Variants in KLHDC10 observed in about 807,000 individuals in gnomAD.
KLHDC10 encodes kelch domain-containing protein 10.
Under a neutral mutation model 56.1 loss-of-function variants are expected in KLHDC10, and 24 were observed. The ratio of observed to expected loss-of-function variants is 0.43; its 90% CI spans 0.31 to 0.60. The LOEUF (loss-of-function observed/expected upper bound fraction) is 0.60, where lower values mean the gene tolerates loss of function less well. KLHDC10 is among the 20% of genes least tolerant of loss of function. The probability of loss-of-function intolerance (pLI) is 0.11; values close to 1 mark genes in which losing one functional copy is unlikely to be tolerated. For missense variants in KLHDC10, 349 were observed against 567.0 expected, an observed-to-expected ratio of 0.62 and a Z score of 3.91; for synonymous variants, 188 against 207.1, an observed-to-expected ratio of 0.91 and a Z score of 0.79.
intron 2 of KLHDC10, among the ~76,000 whole-genome samples, chr7:130,101,171 C>T: frequency 6.6e-6 from 1 of 152,042 alleles, no homozygotes; most frequent in Non-Finnish European, 1.5e-5. Context: ...TATCTACTTC[C>T]TAGAGTTACT....
intron 1 of KLHDC10, among the ~76,000 whole-genome samples, chr7:130,072,419 G>A (rs1417030322): frequency 6.6e-6 from 1 of 152,186 alleles, no homozygotes; most frequent in African/African-American, 2.4e-5. Flanking sequence ...ACCAAGAACA[G>A]CCATTTATCC....
In KLHDC10 at chr7:130,077,753, C is replaced by T. The variant is rs973106666; in HGVS notation, c.166+6944C>T. Among the ~76,000 whole-genome samples the T allele has an allele frequency of 4.0e-5, 6 of 151,714 alleles. No individual in the cohort carries two copies. In the East Asian group the frequency reaches 1.2e-3, roughly 30 times the overall value. Reference sequence around the variant, plus strand: ...TGTAGTTTTAGTAGAGATGGGGTTTCACCATGTTAGCCAGGATGGTCTCGA... The same window carrying T: ...TGTAGTTTTAGTAGAGATGGGGTTTTACCATGTTAGCCAGGATGGTCTCGA... On this transcript the variant is annotated intron_variant, in intron 1 of 9. Coordinates refer to ENST00000335420, the MANE Select transcript of KLHDC10 (RefSeq NM_014997.4).
At chr7:130,093,143 AAG>A (rs1268808575) in intron 1 of KLHDC10, among the ~76,000 whole-genome samples, 1 of 152,080 alleles carries the variant, frequency 6.6e-6, no homozygotes, top group Non-Finnish European at 1.5e-5. Context: ...CATAGTAAGA[AAG>A]AGAAAAAACT....
Position 130,111,892 on chromosome 7 carries a change from C to G in KLHDC10, c.254-4553C>G, listed in dbSNP as rs185438703. On this transcript the variant is annotated intron_variant, in intron 2 of 9. Coordinates refer to ENST00000335420, the MANE Select transcript of KLHDC10 (RefSeq NM_014997.4). ...CAGATTAACCTGACACCAATTTATA[C>G]CCATCAGATTGGCACAAATTTGAGA... Among the ~76,000 whole-genome samples the G allele has an allele frequency of 4.6e-3, 698 of 152,212 alleles. 2 individuals are homozygous for G. The highest frequency in any genetic ancestry group is 6.8e-3 in the Middle Eastern group (2 of 294).
At chr7:130,101,294 T>G (rs759623262) in intron 2 of KLHDC10, among the ~76,000 whole-genome samples, 1 of 152,132 alleles carries the variant, frequency 6.6e-6, no homozygotes, top group Non-Finnish European at 1.5e-5. Flanking sequence ...ATGCCAGAAG[T>G]TTTTAGAAAT....
chr7:130,111,932 A>G (rs1173411614), intron 2 of KLHDC10, among the ~76,000 whole-genome samples: 3 of 152,232 alleles, frequency 2.0e-5, no homozygotes, highest in African/African-American at 7.2e-5. Context: ...TAAAGAAAGC[A>G]TGAAGAAGTA....
Position 130,130,521 on chromosome 7 carries a change from T to C in KLHDC10, c.1120-16T>C, listed in dbSNP as rs757271717. 6.2e-7 allele frequency: 1 copy of C among 1,608,846 alleles called. No individual in the cohort carries two copies. The highest frequency in any genetic ancestry group is 1.1e-5 in the South Asian group (1 of 90,998). On this transcript the variant is annotated splice_polypyrimidine_tract_variant and intron_variant, in intron 9 of 9. Transcript: ENST00000335420. The surrounding 1 kb of genome is among the most constrained non-coding windows in gnomAD (Gnocchi z 4.2). The stretch of plus-strand genomic sequence containing the variant: ...TTCTCTCCCGTTTGAATTTGTCCTC[T>C]TTTGACTACTCATAGGCTGGTTGCA...
At chr7:130,125,296 C>T (rs1156632533) in intron 6 of KLHDC10, among the ~76,000 whole-genome samples, 4 of 152,138 alleles carry the variant, frequency 2.6e-5, no homozygotes, top group Non-Finnish European at 5.9e-5. Context: ...AATCCCAGCC[C>T]TTTGGGAGGC....
intron 1 of KLHDC10, among the ~76,000 whole-genome samples, chr7:130,088,716 C>T (rs1444485736): frequency 6.7e-6 from 1 of 150,262 alleles, no homozygotes; most frequent in African/African-American, 2.5e-5. Context: ...AATCTCGGCT[C>T]ACTGCAACCT....
chr7:130,075,491 A>G (rs1020270427), intron 1 of KLHDC10, among the ~76,000 whole-genome samples: 3 of 152,222 alleles, frequency 2.0e-5, no homozygotes, highest in Non-Finnish European at 2.9e-5. Context: ...GCAACCAATG[A>G]TACATTTCCT....
intron 1 of KLHDC10, among the ~76,000 whole-genome samples, chr7:130,093,699 G>A (rs182759813): frequency 6.0e-4 from 92 of 152,288 alleles, no homozygotes; most frequent in African/African-American, 2.1e-3. Context: ...GCGTCACACT[G>A]TTATGTTGCT....
Position 130,120,641 on chromosome 7 carries a change from T to G in KLHDC10, c.476-108T>G. 96 of 1,185,764 alleles carry G rather than the reference T, an allele frequency of 8.1e-5. No individual in the cohort carries two copies. The highest frequency in any genetic ancestry group is 1.0e-4 in the Non-Finnish European group (85 of 824,562). The allele number at this position is 1,185,764 out of a possible 1,614,324, so 73.5% of individuals were successfully genotyped here. On this transcript the variant is annotated intron_variant, in intron 3 of 9. Coordinates refer to ENST00000335420, the MANE Select transcript of KLHDC10 (RefSeq NM_014997.4). The surrounding 1 kb of genome is among the most constrained non-coding windows in gnomAD (Gnocchi z 5.1). Reference sequence around the variant, plus strand: ...GATGTCAGTGGTTTGAGCTATCTTATGAGATCATTAAAGCAGATATGTGTA... The same window carrying G: ...GATGTCAGTGGTTTGAGCTATCTTAGGAGATCATTAAAGCAGATATGTGTA...
chr7:130,095,956 G>A lies in KLHDC10; in HGVS notation c.167-965G>A, dbSNP rs368155090. On this transcript the variant is annotated intron_variant, in intron 1 of 9. Coordinates refer to ENST00000335420, the MANE Select transcript of KLHDC10 (RefSeq NM_014997.4). ...GTTACAGCAATTCCTTCACAGTAAC[G>A]TAATTATTTGTTTACACATCTGCCT... 8.5e-5 allele frequency among the ~76,000 whole-genome samples: 13 copies of A among 152,254 alleles called. No homozygotes were observed. In the East Asian group the frequency reaches 2.1e-3, roughly 25 times the overall value.
At position 130,130,054 on chromosome 7, in the gene KLHDC10, G is replaced by C. The variant is rs4731661; in HGVS notation, c.1119+478G>C. On this transcript the variant is annotated intron_variant, in intron 9 of 9. Transcript: ENST00000335420. The surrounding 1 kb of genome is among the most constrained non-coding windows in gnomAD (Gnocchi z 4.2). ...TATATAGGCCGGGCGCGGTGGCTCA[G>C]GCCTGTAATCCCAGCACTTTGGGAG... Among the ~76,000 whole-genome samples the C allele has an allele frequency of 0.81, 123,665 of 152,036 alleles. 50,423 individuals are homozygous for C. The highest frequency in any genetic ancestry group is 0.86 in the African/African-American group (35,488 of 41,436).
intron 2 of KLHDC10, among the ~76,000 whole-genome samples, chr7:130,105,205 C>T (rs561685721): frequency 1.3e-5 from 2 of 152,222 alleles, no homozygotes; most frequent in Admixed American, 6.5e-5. Context: ...CTTTACCAAA[C>T]GAAGGTGAAG....
intron 9 of KLHDC10, 140 bp downstream of exon 9, chr7:130,129,716 C>T: frequency 1.4e-6 from 1 of 714,140 alleles, no homozygotes; most frequent in South Asian, 2.3e-5. Flanking sequence ...CCTTCCAAAG[C>T]TAGGCCCTCC....
Position 130,113,657 on chromosome 7 carries a change from A to AGTGC in KLHDC10, c.254-2786_254-2785insGCGT, listed in dbSNP as rs1405614789. On this transcript the variant is annotated intron_variant, in intron 2 of 9. Transcript: ENST00000335420. ...CCAATATTTTTGACCTGAGTGAGTG[A>AGTGC]GTAGAGAAATATGAAACCGTCTTTT... is the stretch of plus-strand genomic sequence containing the variant. 2.6e-5 allele frequency among the ~76,000 whole-genome samples: 4 copies of AGTGC among 152,206 alleles called. No homozygotes were observed. In the East Asian group the frequency reaches 7.7e-4, roughly 29 times the overall value.
At chr7:130,115,875 G>A (rs1796160663) in intron 2 of KLHDC10, among the ~76,000 whole-genome samples, 1 of 152,012 alleles carries the variant, frequency 6.6e-6, no homozygotes, top group Non-Finnish European at 1.5e-5. Context: ...TAATATCCGG[G>A]ATGTTATTTA....
Position 130,126,053 on chromosome 7 carries a change from G to A in KLHDC10, c.931+122G>A, listed in dbSNP as rs182272207. On this transcript the variant is annotated intron_variant, in intron 7 of 9. Transcript: ENST00000335420. ...AAGTTAAATACCTGTTGGGCTGGGC[G>A]CATTGTCTCACGCCTATAATCTCAG... The A allele has an allele frequency of 6.1e-4, 441 of 726,358 alleles. 2 individuals carry two copies. The highest frequency in any genetic ancestry group is 2.8e-3 in the Admixed American group (86 of 30,720). The allele number at this position is 726,358 out of a possible 1,614,324, so 45.0% of individuals were successfully genotyped here.
Sources: allele counts gnomAD v4.1 joint callset (sites outside exome capture counted in the v4.1 genomes callset), GRCh38; gene constraint gnomAD v4.1.1; non-coding constraint Gnocchi (gnomAD v3.1); transcripts MANE v1.5; gene names NCBI Gene and HGNC (gene_info 2026-07-23, HGNC 2026-07-21).